Variants in GRIK4 observed in about 807,000 individuals in gnomAD.
The protein encoded by GRIK4 is glutamate ionotropic receptor kainate type subunit 4, also known as glutamate receptor ionotropic, kainate 4.
Under a neutral mutation model 104.9 loss-of-function variants are expected in GRIK4, and 40 were observed. The ratio of observed to expected loss-of-function variants is 0.38; its 90% confidence interval spans 0.30 to 0.50. GRIK4 has a LOEUF of 0.50. GRIK4 is among the 20% of genes least tolerant of loss of function. The pLI is 0.93. For synonymous variants in GRIK4, 485 were observed against 524.9 expected (o/e 0.92, Z 1.04); for missense variants, 1,047 against 1,308.1 (o/e 0.80, Z 3.08).
At chr11:120,575,923 A>G (rs1167916393) in intron 1 of GRIK4, 1 of 151,474 alleles carries the variant, frequency 6.6e-6, no homozygotes, top group Non-Finnish European at 1.5e-5. Flanking sequence ...TGATCATACC[A>G]CTAAATTCCT....
intron 3 of GRIK4, among the ~76,000 whole-genome samples, chr11:120,776,984 G>A (rs943054066): frequency 1.3e-5 from 2 of 152,168 alleles, no homozygotes. Context: ...AGGGAGCTAC[G>A]AGGGGGGTGT....
At chr11:120,593,620 A>G (rs1300053010) in intron 1 of GRIK4, among the ~76,000 whole-genome samples, 1 of 152,052 alleles carries the variant, frequency 6.6e-6, no homozygotes, top group Non-Finnish European at 1.5e-5. Flanking sequence ...ATTCTCTCTG[A>G]GTGAACTCAC....
intron 4 of GRIK4, among the ~76,000 whole-genome samples, chr11:120,813,916 C>T (rs1481035062): frequency 1.3e-5 from 2 of 152,210 alleles, no homozygotes; most frequent in African/African-American, 4.8e-5. Context: ...GGGACGGCCC[C>T]TTGGCTCTGA....
At chr11:120,556,836 C>G (rs946379573) in intron 1 of GRIK4, among the ~76,000 whole-genome samples, 7 of 152,154 alleles carry the variant, frequency 4.6e-5, no homozygotes, top group African/African-American at 1.7e-4. Context: ...CGTCCCCGCC[C>G]TCTATGTCAG....
chr11:120,908,721 A>C (rs1161509850), intron 13 of GRIK4, among the ~76,000 whole-genome samples: 3 of 152,154 alleles, frequency 2.0e-5, no homozygotes, highest in Non-Finnish European at 4.4e-5. Flanking sequence ...TGCCTCACTA[A>C]ACAGTCCACC....
intron 3 of GRIK4, among the ~76,000 whole-genome samples, chr11:120,754,022 C>T (rs544186068): frequency 6.6e-6 from 1 of 152,182 alleles, no homozygotes; most frequent in Non-Finnish European, 1.5e-5. Flanking sequence ...TTTAGATTTG[C>T]GGATTTTGGA....
chr11:120,799,312 A>G (rs1041111735), intron 3 of GRIK4, among the ~76,000 whole-genome samples: 1 of 152,154 alleles, frequency 6.6e-6, no homozygotes, highest in African/African-American at 2.4e-5. Context: ...GGGTGGAGGG[A>G]GGACAGGGAG....
At chr11:120,512,154 G>A (rs1947668632) in intron 1 of GRIK4, among the ~76,000 whole-genome samples, 1 of 150,244 alleles carries the variant, frequency 6.7e-6, no homozygotes, top group South Asian at 2.1e-4. Context: ...CTCTGCTCCC[G>A]TAGTTCCTCC....
chr11:120,898,488 G>A, intron 11 of GRIK4, 44 bp from the exon 12 acceptor site: 1 of 1,128,172 alleles, frequency 8.9e-7, no homozygotes, highest in Non-Finnish European at 1.4e-6. Context: ...TTCCAGCTCT[G>A]GAGGCCACCA....
intron 8 of GRIK4, among the ~76,000 whole-genome samples, chr11:120,850,850 A>G (rs1304850738): frequency 1.3e-5 from 2 of 149,432 alleles, no homozygotes; most frequent in African/African-American, 4.9e-5. Flanking sequence ...TATAAGTGCT[A>G]TTGTATTACA....
chr11:120,784,919 C>T (rs570984179), intron 3 of GRIK4, among the ~76,000 whole-genome samples: 8 of 152,110 alleles, frequency 5.3e-5, no homozygotes, highest in South Asian at 2.1e-4. Context: ...GGCGTGAGGT[C>T]GGCGCTCAGT....
At chr11:120,874,314 C>T (rs1220852848) in intron 10 of GRIK4, 96 bp downstream of exon 10, 21 of 953,190 alleles carry the variant, frequency 2.2e-5, no homozygotes, top group East Asian at 5.3e-5. Flanking sequence ...CAGGCTTGCT[C>T]GAAATGTGTC....
intron 1 of GRIK4, among the ~76,000 whole-genome samples, chr11:120,588,605 G>A (rs1948697986): frequency 1.3e-5 from 2 of 152,182 alleles, no homozygotes; most frequent in Non-Finnish European, 2.9e-5. Context: ...GGCATCCCAG[G>A]AGGTCAAGGG....
intron 1 of GRIK4, among the ~76,000 whole-genome samples, chr11:120,615,291 G>C (rs1949096289): frequency 6.6e-6 from 1 of 152,222 alleles, no homozygotes; most frequent in Admixed American, 6.5e-5. Flanking sequence ...CTGAGAGCTT[G>C]GTTCTGCCAA....
intron 3 of GRIK4, among the ~76,000 whole-genome samples, chr11:120,684,810 A>T (rs1245740655): frequency 6.6e-6 from 1 of 152,052 alleles, no homozygotes; most frequent in Non-Finnish European, 1.5e-5. Flanking sequence ...TCCCGGCTTC[A>T]CGCCATTATC....
intron 3 of GRIK4, among the ~76,000 whole-genome samples, chr11:120,731,485 T>G (rs1028688067): frequency 6.6e-6 from 1 of 152,162 alleles, no homozygotes; most frequent in Non-Finnish European, 1.5e-5. Flanking sequence ...TGTTGAGGAT[T>G]TTTTGCATCA....
intron 1 of GRIK4, among the ~76,000 whole-genome samples, chr11:120,566,819 C>T (rs1258598037): frequency 6.6e-6 from 1 of 151,296 alleles, no homozygotes; most frequent in Non-Finnish European, 1.5e-5. Flanking sequence ...TTCCCTTGCC[C>T]CAGCCTCCCG....
rs768793509 is a variant in GRIK4, at chr11:120,941,995, G to A, written c.1590+1535G>A. Among the ~76,000 whole-genome samples, 23 of 152,304 alleles carry A rather than the reference G, an allele frequency of 1.5e-4. No individual in the cohort carries two copies. The South Asian group carries it at 1.9e-3, about 12-fold the overall frequency. ...TAATCAGTTTAAAAACATGGGCAAG[G>A]CCACATGCTTATAAGTGAAAGAACA... On this transcript the variant is annotated intron_variant, in intron 14 of 20. Transcript: ENST00000527524.
At chr11:120,944,603 T>C (rs975487298) in intron 14 of GRIK4, among the ~76,000 whole-genome samples, 3 of 152,238 alleles carry the variant, frequency 2.0e-5, no homozygotes, top group African/African-American at 7.2e-5. Flanking sequence ...GTATCCCCAC[T>C]TGTGCCTTGG....
Sources: gnomAD v4.1 joint callset for allele counts (sites outside exome capture counted in the v4.1 genomes callset) on GRCh38, gnomAD v4.1.1 for gene constraint, MANE v1.5 for transcripts, NCBI Gene and HGNC (gene_info 2026-07-23, HGNC 2026-07-21) for gene names.